Variants in RAB5C observed in about 807,000 individuals in gnomAD.
RAB5C encodes RAB5C, member RAS oncogene family.
RAB5C carries 4 observed loss-of-function variants against 25.2 expected under a neutral mutation model. That is an observed-to-expected ratio of 0.16 (90% CI 0.08 to 0.36). RAB5C has a LOEUF of 0.36. Among genes scored for constraint, RAB5C ranks in the 10% least tolerant of loss-of-function variants. The pLI is 1.00. For missense variants in RAB5C, 199 were observed against 283.8 expected (o/e 0.70, Z 2.15); for synonymous variants, 100 against 106.4 (o/e 0.94, Z 0.37).
At chr17:42,145,494 G>GA (rs751667557) in intron 1 of RAB5C, among the ~76,000 whole-genome samples, 1 of 152,136 alleles carries the variant, frequency 6.6e-6, no homozygotes, top group African/African-American at 2.4e-5. Flanking sequence ...GTCTACTTAT[G>GA]AAAAAAACAC....
At chr17:42,128,869 C>T in intron 2 of RAB5C, 69 bp from the exon 3 acceptor site, 4 of 1,313,024 alleles carry the variant, frequency 3.0e-6, no homozygotes, top group Non-Finnish European at 4.0e-6. Flanking sequence ...CCCACTGTTG[C>T]TTCTAGGCTC....
At chr17:42,132,531 T>G (rs1053702692) in intron 1 of RAB5C, among the ~76,000 whole-genome samples, 1 of 152,120 alleles carries the variant, frequency 6.6e-6, no homozygotes, top group African/African-American at 2.4e-5. Context: ...AGAGTGCTGA[T>G]GGAAGGAAAT....
chr17:42,145,095 C>T lies in RAB5C; in HGVS notation c.-89+9798G>A, dbSNP rs537133420. Among the ~76,000 whole-genome samples, 771 of 151,588 alleles carry T rather than the reference C, an allele frequency of 5.1e-3. 2 individuals are homozygous for T. Among genetic ancestry groups the T allele is most frequent in the Middle Eastern group, 0.01 (3 of 288 alleles). On this transcript the variant is annotated intron_variant, in intron 1 of 5. Transcript: ENST00000346213. Reference sequence around the variant, plus strand: ...GACTGAGGCAGGAGAAAGGCGTGAACCCGGGAGGCGGAGCTTGCAGTGAGC... The same window carrying T: ...GACTGAGGCAGGAGAAAGGCGTGAATCCGGGAGGCGGAGCTTGCAGTGAGC...
At chr17:42,146,621 C>T (rs927877443) in intron 1 of RAB5C, among the ~76,000 whole-genome samples, 6 of 152,066 alleles carry the variant, frequency 3.9e-5, no homozygotes, top group African/African-American at 9.7e-5. Flanking sequence ...TGGTGGCGTA[C>T]GCCTGTAGTC....
At position 42,125,918 on chromosome 17, in the gene RAB5C, G is replaced by A. The variant is rs569921820; in HGVS notation, c.536-20C>T. 4.5e-6 allele frequency: 7 copies of A among 1,570,648 alleles called. No homozygotes were observed. In the South Asian group the frequency reaches 8.1e-5, roughly 18 times the overall value. On this transcript the variant is annotated intron_variant, in intron 5 of 5. Coordinates refer to ENST00000346213, the MANE Select transcript of RAB5C (RefSeq NM_004583.4). ...TCTTAGCTGTTTGGGAGGGGGAAAA[G>A]TGCATTTGTTGGGGGTACCCCAATA...
intron 1 of RAB5C, chr17:42,131,888 T>A (rs1279151248): frequency 2.7e-6 from 1 of 367,072 alleles, no homozygotes; most frequent in African/African-American, 2.1e-5. Flanking sequence ...TCAGAATATA[T>A]ACAGAATGTT....
At position 42,125,652 on chromosome 17, in the gene RAB5C, A is replaced by C. The variant is rs1298862541; in HGVS notation, c.*131T>G. 3.2e-6 allele frequency: 2 copies of C among 623,982 alleles called. No individual in the cohort carries two copies. Among genetic ancestry groups the C allele is most frequent in the Admixed American group, 5.5e-5 (2 of 36,456 alleles). The allele number at this position is 623,982 out of a possible 1,614,324, so 38.7% of individuals were successfully genotyped here. A position where few individuals can be genotyped will look rare whatever the true frequency, so the allele number is the denominator to read the frequency against. ...CCGGCCTATGATCAAAATTATATGG[A>C]GAAATCATGGTGGACCCCTCCCCCT... On this transcript the variant is annotated 3_prime_UTR_variant, in exon 6 of 6. Coordinates refer to ENST00000346213, the MANE Select transcript of RAB5C (RefSeq NM_004583.4).
chr17:42,130,734 T>C (rs2054477043), intron 1 of RAB5C, 144 bp from the exon 2 acceptor site: 6 of 1,030,580 alleles, frequency 5.8e-6, no homozygotes, highest in South Asian at 1.8e-5. Context: ...CCCTCCCCAC[T>C]AGAGGTCAGG....
rs150958418 is a variant in RAB5C at position 42,134,132 on chromosome 17, C to A, written c.-88-3542G>T. ...GCACGGAGATATGAGGGTGTCTAAG[C>A]CAGGGGAAGGCCAGACCGAGAGCCC... On this transcript the variant is annotated intron_variant, in intron 1 of 5. Coordinates refer to ENST00000346213, the MANE Select transcript of RAB5C (RefSeq NM_004583.4). Among the ~76,000 whole-genome samples, 24 of 152,160 alleles carry A rather than the reference C, an allele frequency of 1.6e-4. No individual in the cohort carries two copies. In the East Asian group the frequency reaches 1.7e-3, roughly 11 times the overall value.
rs549565390 is a variant in RAB5C, at chr17:42,125,461, G to A, written c.*322C>T. On this transcript the variant is annotated 3_prime_UTR_variant, in exon 6 of 6. Transcript: ENST00000346213. ...TGACCCCACTGTCCCCATATACAAG[G>A]GTTGGGGGGCAAGAGCATGTGGCTA... The A allele has an allele frequency of 9.9e-5, 29 of 292,422 alleles. No individual in the cohort carries two copies. Among genetic ancestry groups the A allele is most frequent in the Middle Eastern group, 1.1e-3 (1 of 902 alleles). The allele number at this position is 292,422 out of a possible 1,614,324, so 18.1% of individuals were successfully genotyped here. A position where few individuals can be genotyped will look rare whatever the true frequency, so the allele number is the denominator to read the frequency against.
At chr17:42,126,673 C>A (rs753166131) in intron 5 of RAB5C, 82 bp downstream of exon 5, 1 of 635,026 alleles carries the variant, frequency 1.6e-6, no homozygotes, top group African/African-American at 2.0e-5. Flanking sequence ...GGTGAAGGGA[C>A]CCCGCAGGCC....
intron 1 of RAB5C, among the ~76,000 whole-genome samples, chr17:42,132,480 A>T (rs1313887176): frequency 6.6e-6 from 1 of 152,198 alleles, no homozygotes; most frequent in Non-Finnish European, 1.5e-5. Flanking sequence ...CTTCTTAGAG[A>T]TGCCTTCCTC....
At position 42,125,843 on chromosome 17, in the gene RAB5C, G is replaced by T. The variant is rs370998124; in HGVS notation, c.591C>A (p.Asn197Lys). 5 of 1,611,928 alleles carry T rather than the reference G, an allele frequency of 3.1e-6. No individual in the cohort carries two copies. Among genetic ancestry groups the T allele is most frequent in the Non-Finnish European group, 4.2e-6 (5 of 1,179,300 alleles). The change falls in exon 6 of 6, where the codon AAC becomes AAA. Residue 197 changes from asparagine to lysine, a missense_variant. Transcript: ENST00000346213. ...TGTTCTCCTGGAGGTCCACACCTCGGTTTCGGCCTGGAGCACCAGTTGCAT... is the reference window on the plus strand; with the variant it reads ...TGTTCTCCTGGAGGTCCACACCTCGTTTTCGGCCTGGAGCACCAGTTGCAT... The part of the protein sequence containing the change: ...PQNATGAPGR[N>K]RGVDLQENNP...
At chr17:42,133,904 T>C (rs1022177337) in intron 1 of RAB5C, among the ~76,000 whole-genome samples, 5 of 152,136 alleles carry the variant, frequency 3.3e-5, no homozygotes, top group Admixed American at 6.5e-5. Flanking sequence ...TGAGACAGGC[T>C]CTCCCTGGCA....
At chr17:42,142,356 A>C (rs1057446277) in intron 1 of RAB5C, among the ~76,000 whole-genome samples, 1 of 152,140 alleles carries the variant, frequency 6.6e-6, no homozygotes. Context: ...TTAAAGCCCA[A>C]ATGCCCTTCC....
chr17:42,147,053 A>T (rs531925338), intron 1 of RAB5C, among the ~76,000 whole-genome samples: 78 of 151,186 alleles, frequency 5.2e-4, no homozygotes, highest in Middle Eastern at 3.4e-3. Context: ...AGAAAGACAG[A>T]AAAAGAAAGA....
chr17:42,133,187 G>A (rs945502408), intron 1 of RAB5C, among the ~76,000 whole-genome samples: 5 of 152,232 alleles, frequency 3.3e-5, no homozygotes, highest in African/African-American at 1.2e-4. Context: ...GGAATTACAA[G>A]TTGGTTATTA....
intron 1 of RAB5C, among the ~76,000 whole-genome samples, chr17:42,151,305 T>C (rs1015521582): frequency 6.6e-6 from 1 of 151,906 alleles, no homozygotes; most frequent in Non-Finnish European, 1.5e-5. Context: ...GACGTGGTGG[T>C]GGGCACCTGT....
At chr17:42,145,930 C>G (rs1220654739) in intron 1 of RAB5C, among the ~76,000 whole-genome samples, 2 of 152,136 alleles carry the variant, frequency 1.3e-5, no homozygotes, top group Admixed American at 1.3e-4. Context: ...CCTCAGCCTC[C>G]TGAGTAGCTG....
Sources: allele counts gnomAD v4.1 joint callset (sites outside exome capture counted in the v4.1 genomes callset), GRCh38; gene constraint gnomAD v4.1.1; transcripts MANE v1.5; gene names NCBI Gene and HGNC (gene_info 2026-07-23, HGNC 2026-07-21).